PCCA: variants seen among roughly 807,000 people sequenced by gnomAD.
PCCA encodes propionyl-CoA carboxylase alpha chain, mitochondrial.
In PCCA, 74 loss-of-function variants were observed where a neutral mutation model predicts 101.3. That is an observed-to-expected ratio of 0.73 (90% CI 0.61 to 0.89). The LOEUF is 0.89. PCCA is among the 40% of genes least tolerant of loss of function. PCCA has a pLI of 0.00. For synonymous variants in PCCA, 294 were observed against 313.6 expected (o/e 0.94, Z 0.66); for missense variants, 891 against 907.0 (o/e 0.98, Z 0.23).
chr13:100,232,991 GGAT>G (rs1217116684), intron 7 of PCCA, among the ~76,000 whole-genome samples: 1 of 152,076 alleles, frequency 6.6e-6, no homozygotes, highest in Admixed American at 6.6e-5. Flanking sequence ...TTCATTTTAT[GGAT>G]GTACCAGTCC....
intron 14 of PCCA, among the ~76,000 whole-genome samples, chr13:100,306,437 T>G (rs1349256196): frequency 6.6e-6 from 1 of 152,236 alleles, no homozygotes; most frequent in Non-Finnish European, 1.5e-5. Context: ...CTGTCCTCAG[T>G]AACTGCTCAT....
At chr13:100,391,023 CTT>C (rs796230963) in intron 19 of PCCA, among the ~76,000 whole-genome samples, 2 of 144,566 alleles carry the variant, frequency 1.4e-5, no homozygotes, top group Non-Finnish European at 1.5e-5. Context: ...GGCCTCTGTG[CTT>C]TTTTTTTTTT....
chr13:100,431,946 T>C (rs1189113724), intron 20 of PCCA, among the ~76,000 whole-genome samples: 1 of 151,902 alleles, frequency 6.6e-6, no homozygotes, highest in Non-Finnish European at 1.5e-5. Context: ...TCCCAGCACT[T>C]TGGGAGGCCG....
Position 100,245,414 on chromosome 13 carries a change from C to T in PCCA, c.637+9536C>T, listed in dbSNP as rs556026596. ...GAGTTGTCATTAGTTCACCAGACCT[C>T]GACTATACCACATTTTTACAGCCCC... On this transcript the variant is annotated intron_variant, in intron 8 of 23. Coordinates refer to ENST00000376285, the MANE Select transcript of PCCA (RefSeq NM_000282.4). Among the ~76,000 whole-genome samples the T allele has an allele frequency of 9.9e-5, 15 of 152,272 alleles. No individual in the cohort carries two copies. The East Asian group carries it at 1.5e-3, about 16-fold the overall frequency.
chr13:100,369,892 C>T (rs1365698776), intron 19 of PCCA, among the ~76,000 whole-genome samples: 1 of 151,786 alleles, frequency 6.6e-6, no homozygotes, highest in Admixed American at 6.6e-5. Flanking sequence ...TACAATGTAG[C>T]ATTTTTTTTT....
chr13:100,359,968 G>A (rs1401466208), intron 18 of PCCA, among the ~76,000 whole-genome samples: 2 of 152,122 alleles, frequency 1.3e-5, no homozygotes, highest in Admixed American at 1.3e-4. Context: ...AATTTCTATG[G>A]AAATGCAAAG....
rs73560960 is a variant in PCCA, at chr13:100,413,302, C to A, written c.1747-12331C>A. 3.0e-3 allele frequency among the ~76,000 whole-genome samples: 461 copies of A among 152,278 alleles called. 3 individuals are homozygous for A. Among genetic ancestry groups the A allele is most frequent in the African/African-American group, 0.011 (439 of 41,552 alleles). On this transcript the variant is annotated intron_variant, in intron 19 of 23. Transcript: ENST00000376285. ...GGAAATACGTAGCCATTTTTATGGA[C>A]GTCTTATAGTCCACTTAGACAATAG...
At chr13:100,359,710 A>G (rs142480837) in intron 18 of PCCA, among the ~76,000 whole-genome samples, 2 of 152,352 alleles carry the variant, frequency 1.3e-5, no homozygotes, top group African/African-American at 4.8e-5. Context: ...GGAGTCTGCC[A>G]TACAATGAAT....
At chr13:100,139,760 A>G (rs1237018758) in intron 4 of PCCA, among the ~76,000 whole-genome samples, 1 of 152,084 alleles carries the variant, frequency 6.6e-6, no homozygotes, top group Non-Finnish European at 1.5e-5. Flanking sequence ...TAAGAGATTT[A>G]CTTGGTTCTT....
At chr13:100,494,323 C>G (rs2085117710) in intron 21 of PCCA, among the ~76,000 whole-genome samples, 1 of 152,210 alleles carries the variant, frequency 6.6e-6, no homozygotes, top group Non-Finnish European at 1.5e-5. Context: ...TGTGGGACTG[C>G]ACTTAGCATT....
At chr13:100,360,254 T>A (rs2074426335) in intron 18 of PCCA, among the ~76,000 whole-genome samples, 1 of 150,890 alleles carries the variant, frequency 6.6e-6, no homozygotes, top group African/African-American at 2.4e-5. Flanking sequence ...CCTGCCCCCA[T>A]ATTCAGTCAC....
intron 6 of PCCA, among the ~76,000 whole-genome samples, chr13:100,166,035 A>C (rs2055006324): frequency 6.6e-6 from 1 of 152,244 alleles, no homozygotes. Flanking sequence ...ATATGTGTAC[A>C]CTTATGAAAT....
intron 21 of PCCA, among the ~76,000 whole-genome samples, chr13:100,456,274 T>C (rs976592623): frequency 6.6e-5 from 10 of 152,228 alleles, no homozygotes; most frequent in African/African-American, 2.4e-4. Context: ...CAAAAATACA[T>C]GAATTTAGTA....
intron 12 of PCCA, chr13:100,293,313 A>G: frequency 2.2e-6 from 1 of 457,736 alleles, no homozygotes; most frequent in South Asian, 1.6e-5. Flanking sequence ...ATCAGGGGGA[A>G]TTCTGCATCA....
At chr13:100,319,497 T>G (rs2067761586) in intron 16 of PCCA, among the ~76,000 whole-genome samples, 1 of 152,234 alleles carries the variant, frequency 6.6e-6, no homozygotes, top group Non-Finnish European at 1.5e-5. Context: ...TAATCCATCT[T>G]GAATGAATTT....
At chr13:100,160,498 G>T (rs2054344573) in intron 6 of PCCA, among the ~76,000 whole-genome samples, 1 of 134,958 alleles carries the variant, frequency 7.4e-6, no homozygotes, top group Non-Finnish European at 1.6e-5. Flanking sequence ...GCGAGACTCT[G>T]TCTAAAAAAG....
intron 19 of PCCA, among the ~76,000 whole-genome samples, chr13:100,380,961 A>G (rs868253896): frequency 7.9e-5 from 12 of 152,376 alleles, no homozygotes; most frequent in African/African-American, 2.9e-4. Context: ...AATATATGCA[A>G]TTGCCGGTAA....
intron 7 of PCCA, among the ~76,000 whole-genome samples, chr13:100,224,429 C>T (rs1017067943): frequency 1.3e-5 from 2 of 152,248 alleles, no homozygotes; most frequent in South Asian, 4.1e-4. Context: ...GCTGGCGCCT[C>T]TCCCTCCACA....
chr13:100,474,947 T>C (rs2083306840), intron 21 of PCCA, among the ~76,000 whole-genome samples: 1 of 152,248 alleles, frequency 6.6e-6, no homozygotes, highest in Admixed American at 6.5e-5. Flanking sequence ...TTGTTTTTGT[T>C]GTTTCTTTTG....
Sources: allele counts gnomAD v4.1 joint callset (sites outside exome capture counted in the v4.1 genomes callset), GRCh38; gene constraint gnomAD v4.1.1; transcripts MANE v1.5; gene names NCBI Gene and HGNC (gene_info 2026-07-23, HGNC 2026-07-21).